Variants in NET1 observed in about 807,000 individuals in gnomAD.
NET1 encodes the protein neuroepithelial cell-transforming gene 1 protein.
A neutral mutation model predicts 61.1 loss-of-function variants in NET1; 42 were observed. That is an observed-to-expected ratio of 0.69 (90% CI 0.54 to 0.89). The LOEUF (loss-of-function observed/expected upper bound fraction) is 0.89, where lower values mean the gene tolerates loss of function less well. Ranked by LOEUF, NET1 falls within the 40% of genes least tolerant of loss-of-function variation. NET1 has a pLI of 0.00. For missense variants in NET1, 654 were observed against 747.3 expected (o/e 0.88, Z 1.46); for synonymous variants, 254 against 281.8 (o/e 0.90, Z 0.99).
rs1832724062 is a variant in NET1 at position 5,452,548 on chromosome 10, T to C, written c.531+23T>C. On this transcript the variant is annotated intron_variant, in intron 5 of 11. Transcript: ENST00000355029. The surrounding 1 kb of genome is among the most constrained non-coding windows in gnomAD (Gnocchi z 4.0). Reference sequence around the variant, plus strand: ...GAGGTATGCTGGCACTCAGTGTACATGTTTTCCCAAAAGAACAGCAAATTG... The same window carrying C: ...GAGGTATGCTGGCACTCAGTGTACACGTTTTCCCAAAAGAACAGCAAATTG... 20 of 1,578,346 alleles carry C rather than the reference T, an allele frequency of 1.3e-5. No homozygotes were observed. Among genetic ancestry groups the C allele is most frequent in the Non-Finnish European group, 1.6e-5 (19 of 1,162,912 alleles).
rs1832839888 is a variant in NET1, at chr10:5,458,181, TATTAGATAAATTTTC to T, written c.*1188_*1202del. 1 of 152,202 alleles carries T rather than the reference TATTAGATAAATTTTC, an allele frequency of 6.6e-6. No homozygotes were observed. Among genetic ancestry groups the T allele is most frequent in the South Asian group, 2.1e-4 (1 of 4,830 alleles). 9.4% of individuals were successfully genotyped at this position (152,202 alleles called of 1,614,324 possible). A position where few individuals can be genotyped will look rare whatever the true frequency, so the allele number is the denominator to read the frequency against. On this transcript the variant is annotated 3_prime_UTR_variant, in exon 12 of 12. Coordinates refer to ENST00000355029, the MANE Select transcript of NET1 (RefSeq NM_001047160.3). The surrounding 1 kb of genome is among the most constrained non-coding windows in gnomAD (Gnocchi z 4.5). ...ATGAAATGTGTTAAAAATTTGACCATATTAGATAAATTTTCGTGGATTTAGTCATAAGATGGAAAA... is the reference window on the plus strand; with the variant it reads ...ATGAAATGTGTTAAAAATTTGACCATGTGGATTTAGTCATAAGATGGAAAA...
intron 1 of NET1, among the ~76,000 whole-genome samples, chr10:5,425,277 C>T: frequency 6.6e-6 from 1 of 151,866 alleles, no homozygotes; most frequent in East Asian, 1.9e-4. Context: ...AAAACAACAA[C>T]AACAACAAAA....
At chr10:5,450,243 A>G (rs1223051236) in intron 3 of NET1, among the ~76,000 whole-genome samples, 2 of 152,226 alleles carry the variant, frequency 1.3e-5, no homozygotes, top group African/African-American at 4.8e-5. Flanking sequence ...TGCCTCTTAA[A>G]GCCTTCAGAT....
In NET1 at chr10:5,428,038, C is replaced by CCTTTTTTTTTTTTTTTTTTT. The variant is rs767299959; in HGVS notation, c.196-1132_196-1131insCTTTTTTTTTTTTTTTTTTT. Among the ~76,000 whole-genome samples, 10 of 113,904 alleles carry CCTTTTTTTTTTTTTTTTTTT rather than the reference C, an allele frequency of 8.8e-5. 5 individuals are homozygous for CCTTTTTTTTTTTTTTTTTTT. Among genetic ancestry groups the CCTTTTTTTTTTTTTTTTTTT allele is most frequent in the African/African-American group, 2.0e-4 (6 of 29,352 alleles). 74.7% of individuals were successfully genotyped at this position (113,904 alleles called of 152,430 possible). On this transcript the variant is annotated intron_variant, in intron 2 of 11. Coordinates refer to ENST00000355029, the MANE Select transcript of NET1 (RefSeq NM_001047160.3). ...CACTTCTATCTGGACTTTGCCGTTC[C>CCTTTTTTTTTTTTTTTTTTT]TTTTTTTTTTTTTTTTTTTTTTTTT...
At position 5,439,793 on chromosome 10, in the gene NET1, T is replaced by C. The variant is rs1588433065; in HGVS notation, c.255+10564T>C. Among the ~76,000 whole-genome samples the C allele has an allele frequency of 1.3e-5, 2 of 152,342 alleles. No homozygotes were observed. The highest frequency in any genetic ancestry group is 6.8e-3 in the Middle Eastern group (2 of 294). ...GTCTACCATAAATACCCAACCTTGATGTGATATACCAGGTCACATGGCCTG... is the reference window on the plus strand; with the variant it reads ...GTCTACCATAAATACCCAACCTTGACGTGATATACCAGGTCACATGGCCTG... On this transcript the variant is annotated intron_variant, in intron 3 of 11. Transcript: ENST00000355029. The surrounding 1 kb of genome is among the most constrained non-coding windows in gnomAD (Gnocchi z 4.8).
chr10:5,454,952 T>G lies in NET1; in HGVS notation c.1031T>G (p.Leu344Trp), dbSNP rs756413323. 11 of 1,613,658 alleles carry G rather than the reference T, an allele frequency of 6.8e-6. No homozygotes were observed. Among genetic ancestry groups the G allele is most frequent in the Non-Finnish European group, 9.3e-6 (11 of 1,179,734 alleles). Reference sequence around the variant, plus strand: ...AATTTTATTTATCATTTTCAGATATTGATAATACAGGGAGTCCTCTCTGAT... The same window carrying G: ...AATTTTATTTATCATTTTCAGATATGGATAATACAGGGAGTCCTCTCTGAT... ...PDVQLLEDAILIIQGVLSDIN... is the reference protein window; with the variant it reads ...PDVQLLEDAIWIIQGVLSDIN... The change falls in exon 10 of 12, where the codon TTG becomes TGG. Residue 344 changes from leucine (L) to tryptophan (W), a missense_variant. Transcript: ENST00000355029. This position sits in a 1 kb window ranked among gnomAD's most constrained non-coding sequence, Gnocchi z 8.1.
Position 5,456,462 on chromosome 10 carries a change from TG to T in NET1, c.1385-125del. ...TCTAAGAAATAATGCATAGGCTTAATGTATTCACATTGACATAAATAAATTG... is the reference window on the plus strand; with the variant it reads ...TCTAAGAAATAATGCATAGGCTTAATTATTCACATTGACATAAATAAATTG... On this transcript the variant is annotated intron_variant, in intron 11 of 11. Transcript: ENST00000355029. The surrounding 1 kb of genome is among the most constrained non-coding windows in gnomAD (Gnocchi z 7.0). The T allele has an allele frequency of 9.2e-7, 1 of 1,090,828 alleles. No homozygotes were observed. The highest frequency in any genetic ancestry group is 1.3e-6 in the Non-Finnish European group (1 of 770,164). 67.6% of individuals were successfully genotyped at this position (1,090,828 alleles called of 1,614,324 possible). A position where few individuals can be genotyped will look rare whatever the true frequency, so the allele number is the denominator to read the frequency against.
In NET1 at chr10:5,417,857, T is replaced by G. The variant is rs1310517792; in HGVS notation, c.128+5037T>G. On this transcript the variant is annotated intron_variant, in intron 1 of 11. Coordinates refer to ENST00000355029, the MANE Select transcript of NET1 (RefSeq NM_001047160.3). This position sits in a 1 kb window ranked among gnomAD's most constrained non-coding sequence, Gnocchi z 5.5. ...TGAGGAAGTTCCATTCTGTTACTAG[T>G]TTTTGAGTGGTTTTTATCATGAAAG... 6.6e-6 allele frequency among the ~76,000 whole-genome samples: 1 copy of G among 152,162 alleles called. No individual in the cohort carries two copies. Among genetic ancestry groups the G allele is most frequent in the Non-Finnish European group, 1.5e-5 (1 of 68,022 alleles).
In NET1 at chr10:5,454,347, C is replaced by T. The variant is rs1215521207; in HGVS notation, c.851C>T (p.Pro284Leu). The T allele has an allele frequency of 6.2e-7, 1 of 1,614,134 alleles. No individual in the cohort carries two copies. The highest frequency in any genetic ancestry group is 8.5e-7 in the Non-Finnish European group (1 of 1,180,022). ...KALLDQKKQD[P>L]RVQDFLQRCL... ...CTTCTTGATCAAAAGAAACAGGATC[C>T]AAGAGTCCAAGACTTCCTCCAGCGA... Residue 284 changes from proline to leucine, a missense_variant, in exon 9 of 12, where the codon CCA (proline) becomes CTA (leucine). Coordinates refer to ENST00000355029, the MANE Select transcript of NET1 (RefSeq NM_001047160.3). The surrounding 1 kb of genome is among the most constrained non-coding windows in gnomAD (Gnocchi z 8.1).
At position 5,421,819 on chromosome 10, in the gene NET1, C is replaced by G. The variant is rs1832178093; in HGVS notation, c.129-4836C>G. On this transcript the variant is annotated intron_variant, in intron 1 of 11. Transcript: ENST00000355029. This position sits in a 1 kb window ranked among gnomAD's most constrained non-coding sequence, Gnocchi z 4.2. The stretch of plus-strand genomic sequence containing the variant: ...CCCTAGGCAGCCACTGATCTGCTTT[C>G]TAGCTCTATAAATTTCTATTTTCAG... 6.6e-6 allele frequency among the ~76,000 whole-genome samples: 1 copy of G among 152,206 alleles called. No homozygotes were observed. Among genetic ancestry groups the G allele is most frequent in the Non-Finnish European group, 1.5e-5 (1 of 68,018 alleles).
At position 5,421,167 on chromosome 10, in the gene NET1, G is replaced by A. The variant is rs1832169614; in HGVS notation, c.129-5488G>A. Among the ~76,000 whole-genome samples the A allele has an allele frequency of 6.6e-6, 1 of 152,254 alleles. No homozygotes were observed. Among genetic ancestry groups the A allele is most frequent in the African/African-American group, 2.4e-5 (1 of 41,542 alleles). Reference sequence around the variant, plus strand: ...AAATTCTGGCTCTTAAGGACCTTGGGCAAGTTACTTAGTCTCTAAATCTCA... The same window carrying A: ...AAATTCTGGCTCTTAAGGACCTTGGACAAGTTACTTAGTCTCTAAATCTCA... On this transcript the variant is annotated intron_variant, in intron 1 of 11. Transcript: ENST00000355029. This position sits in a 1 kb window ranked among gnomAD's most constrained non-coding sequence, Gnocchi z 4.2.
chr10:5,414,590 G>A (rs1046184612), intron 1 of NET1, among the ~76,000 whole-genome samples: 24 of 152,184 alleles, frequency 1.6e-4, no homozygotes, highest in South Asian at 4.1e-4. Context: ...CTGGCAATGG[G>A]ATTGGTGAAG....
rs559305885 is a variant in NET1, at chr10:5,428,427, T to C, written c.196-743T>C. On this transcript the variant is annotated intron_variant, in intron 2 of 11. Coordinates refer to ENST00000355029, the MANE Select transcript of NET1 (RefSeq NM_001047160.3). The stretch of plus-strand genomic sequence containing the variant: ...CCTCAGGCAACAAATCTTAATTACT[T>C]TGGGCCATGAGAAAAGGATTTTTTT... Among the ~76,000 whole-genome samples, 7 of 110,532 alleles carry C rather than the reference T, an allele frequency of 6.3e-5. No individual in the cohort carries two copies. The South Asian group carries it at 2.1e-3, about 33-fold the overall frequency. The allele number at this position is 110,532 out of a possible 152,430, so 72.5% of individuals were successfully genotyped here. A position where few individuals can be genotyped will look rare whatever the true frequency, so the allele number is the denominator to read the frequency against.
intron 2 of NET1, among the ~76,000 whole-genome samples, chr10:5,428,365 G>C (rs1832293181): frequency 6.6e-6 from 1 of 152,058 alleles, no homozygotes; most frequent in Admixed American, 6.6e-5. Context: ...AAGTACTCCA[G>C]GGACATGGCT....
rs900045512 is a variant in NET1 at position 5,437,916 on chromosome 10, CAG to C, written c.255+8692_255+8693del. Among the ~76,000 whole-genome samples the C allele has an allele frequency of 9.9e-5, 15 of 151,924 alleles. No homozygotes were observed. Among genetic ancestry groups the C allele is most frequent in the South Asian group, 4.2e-4 (2 of 4,814 alleles). On this transcript the variant is annotated intron_variant, in intron 3 of 11. Transcript: ENST00000355029. This position sits in a 1 kb window ranked among gnomAD's most constrained non-coding sequence, Gnocchi z 4.3. Reference sequence around the variant, plus strand: ...ATCATACAGACTAATTTTTTTAACACAGAGAGTGAAACTAAAAAGCAGTAACA... The same window carrying C: ...ATCATACAGACTAATTTTTTTAACACAGAGTGAAACTAAAAAGCAGTAACA...
rs1832715708 is a variant in NET1 at position 5,452,209 on chromosome 10, G to C, written c.364-149G>C. 1.3e-6 allele frequency: 1 copy of C among 745,702 alleles called. No homozygotes were observed. Among genetic ancestry groups the C allele is most frequent in the African/African-American group, 1.8e-5 (1 of 56,272 alleles). 46.2% of individuals were successfully genotyped at this position (745,702 alleles called of 1,614,324 possible). A position where few individuals can be genotyped will look rare whatever the true frequency, so the allele number is the denominator to read the frequency against. On this transcript the variant is annotated intron_variant, in intron 4 of 11. Coordinates refer to ENST00000355029, the MANE Select transcript of NET1 (RefSeq NM_001047160.3). The surrounding 1 kb of genome is among the most constrained non-coding windows in gnomAD (Gnocchi z 4.0). ...TTTTAGCTGATAAATATTTAAGATT[G>C]GTAGGTGGAAACTTGGATAAATTAT... is the stretch of plus-strand genomic sequence containing the variant.
At chr10:5,429,057 T>C (rs977387531) in intron 2 of NET1, 113 bp from the exon 3 acceptor site, 2 of 745,544 alleles carry the variant, frequency 2.7e-6, no homozygotes, top group Non-Finnish European at 4.3e-6. Context: ...CTTGTGACTA[T>C]AGCCAAAGGC....
chr10:5,457,197 G>C lies in NET1; in HGVS notation c.*203G>C, dbSNP rs1832819100. 2.5e-6 allele frequency: 1 copy of C among 399,702 alleles called. No homozygotes were observed. Among genetic ancestry groups the C allele is most frequent in the East Asian group, 3.9e-5 (1 of 25,862 alleles). The allele number at this position is 399,702 out of a possible 1,614,324, so 24.8% of individuals were successfully genotyped here. Reference sequence around the variant, plus strand: ...AAATTGCAGTCCTTTTTTTTTTAAAGATATTTTCTTGAATTATTTAGAACA... The same window carrying C: ...AAATTGCAGTCCTTTTTTTTTTAAACATATTTTCTTGAATTATTTAGAACA... On this transcript the variant is annotated 3_prime_UTR_variant, in exon 12 of 12. Transcript: ENST00000355029. The surrounding 1 kb of genome is among the most constrained non-coding windows in gnomAD (Gnocchi z 5.4).
At position 5,458,975 on chromosome 10, in the gene NET1, G is replaced by A. The variant is rs950940387; in HGVS notation, c.*1981G>A. Among the ~76,000 whole-genome samples the A allele has an allele frequency of 3.3e-5, 5 of 152,114 alleles. No homozygotes were observed. The highest frequency in any genetic ancestry group is 7.2e-5 in the African/African-American group (3 of 41,426). Reference sequence around the variant, plus strand: ...ATGGAATTATGTTTTATTTAAAACCGTATCTTCTTTTGGTTCCCTCAAAGG... The same window carrying A: ...ATGGAATTATGTTTTATTTAAAACCATATCTTCTTTTGGTTCCCTCAAAGG... On this transcript the variant is annotated 3_prime_UTR_variant, in exon 12 of 12. Coordinates refer to ENST00000355029, the MANE Select transcript of NET1 (RefSeq NM_001047160.3). The surrounding 1 kb of genome is among the most constrained non-coding windows in gnomAD (Gnocchi z 4.5).
Sources: allele counts gnomAD v4.1 joint callset (sites outside exome capture counted in the v4.1 genomes callset), GRCh38; gene constraint gnomAD v4.1.1; non-coding constraint Gnocchi (gnomAD v3.1); transcripts MANE v1.5; gene names NCBI Gene and HGNC (gene_info 2026-07-23, HGNC 2026-07-21).